RASSF5: variants seen among roughly 807,000 people sequenced by gnomAD.
RASSF5 encodes the protein ras association domain-containing protein 5.
In RASSF5, 25 loss-of-function variants were observed where a neutral mutation model predicts 40.5. The observed-to-expected ratio is 0.62, with a 90% CI of 0.45 to 0.86. RASSF5 has a LOEUF of 0.86. Among genes scored for constraint, RASSF5 ranks in the 40% least tolerant of loss-of-function variants. The probability of loss-of-function intolerance (pLI) is 0.00; values close to 1 mark genes in which losing one functional copy is unlikely to be tolerated. For missense variants in RASSF5, 521 were observed against 572.8 expected, an observed-to-expected ratio of 0.91 and a Z score of 0.92; for synonymous variants, 246 against 252.4, an observed-to-expected ratio of 0.97 and a Z score of 0.24.
At position 206,557,839 on chromosome 1, in the gene RASSF5, G is replaced by T. The variant is rs1668033604; in HGVS notation, c.579+19546G>T. 3 of 837,282 alleles carry T rather than the reference G, an allele frequency of 3.6e-6. No individual in the cohort carries two copies. The South Asian group carries it at 4.8e-5, about 13-fold the overall frequency. The allele number at this position is 837,282 out of a possible 1,614,324, so 51.9% of individuals were successfully genotyped here. A position where few individuals can be genotyped will look rare whatever the true frequency, so the allele number is the denominator to read the frequency against. On this transcript the variant is annotated intron_variant, in intron 2 of 5. Coordinates refer to ENST00000579436, the MANE Select transcript of RASSF5 (RefSeq NM_182663.4). ...GCAGTTGCCCTGAGGGCTGAGCATC[G>T]TATCTGGAGCCCTTCAGGGACCTGC...
At chr1:206,548,821 C>G (rs2103531804) in intron 2 of RASSF5, among the ~76,000 whole-genome samples, 1 of 152,268 alleles carries the variant, frequency 6.6e-6, no homozygotes, top group Non-Finnish European at 1.5e-5. Flanking sequence ...GCTTACTGCT[C>G]TGTTCATTTA....
chr1:206,556,241 C>T (rs1200593615), intron 2 of RASSF5, among the ~76,000 whole-genome samples: 3 of 152,230 alleles, frequency 2.0e-5, no homozygotes, highest in Non-Finnish European at 2.9e-5. Context: ...CAGCTGCACA[C>T]ACCAGGGCTG....
chr1:206,532,310 A>G (rs1667263953), intron 1 of RASSF5, among the ~76,000 whole-genome samples: 1 of 152,158 alleles, frequency 6.6e-6, no homozygotes, highest in Non-Finnish European at 1.5e-5. Context: ...GTAGTTCTTG[A>G]CATCAGGAAC....
intron 2 of RASSF5, among the ~76,000 whole-genome samples, chr1:206,551,194 G>T (rs1369757738): frequency 6.6e-6 from 1 of 152,130 alleles, no homozygotes; most frequent in African/African-American, 2.4e-5. Flanking sequence ...ACCCCACCTA[G>T]TCCCTCAGTC....
intron 2 of RASSF5, among the ~76,000 whole-genome samples, chr1:206,538,759 G>A (rs1334285961): frequency 6.6e-6 from 1 of 152,194 alleles, no homozygotes; most frequent in African/African-American, 2.4e-5. Context: ...GCAGCTTTTG[G>A]TTCTGGGTTT....
At position 206,513,615 on chromosome 1, in the gene RASSF5, A is replaced by G. The variant is rs566017573; in HGVS notation, c.457+5556A>G. Among the ~76,000 whole-genome samples, 11 of 152,184 alleles carry G rather than the reference A, an allele frequency of 7.2e-5. No homozygotes were observed. Among genetic ancestry groups the G allele is most frequent in the East Asian group, 1.9e-4 (1 of 5,176 alleles). Reference sequence around the variant, plus strand: ...CCGCAGGGCTCTGTTCTGACTCTCCATGGCTGGGTGGGGAAGGGCTGGCGG... The same window carrying G: ...CCGCAGGGCTCTGTTCTGACTCTCCGTGGCTGGGTGGGGAAGGGCTGGCGG... On this transcript the variant is annotated intron_variant, in intron 1 of 5. Transcript: ENST00000579436. The surrounding 1 kb of genome is among the most constrained non-coding windows in gnomAD (Gnocchi z 5.0).
intron 2 of RASSF5, among the ~76,000 whole-genome samples, chr1:206,558,717 A>G (rs1450479072): frequency 6.6e-6 from 1 of 152,214 alleles, no homozygotes; most frequent in Non-Finnish European, 1.5e-5. Flanking sequence ...AATTGTGAGA[A>G]GAGGCCCAAG....
chr1:206,566,030 T>C lies in RASSF5; in HGVS notation c.580-17239T>C, dbSNP rs537054352. 4.1e-4 allele frequency among the ~76,000 whole-genome samples: 63 copies of C among 152,306 alleles called. 1 individual carries two copies. The highest frequency in any genetic ancestry group is 1.3e-3 in the African/African-American group (54 of 41,552). On this transcript the variant is annotated intron_variant, in intron 2 of 5. Transcript: ENST00000579436. ...TTTACCATCTTAGACTAAGTTAATT[T>C]ACCATCCTAAGCAAGAAAAGCAGGG... is the stretch of plus-strand genomic sequence containing the variant.
chr1:206,561,770 A>C (rs1668152197), intron 2 of RASSF5, among the ~76,000 whole-genome samples: 1 of 149,130 alleles, frequency 6.7e-6, no homozygotes. Flanking sequence ...GGTTCAAGCA[A>C]TTCTCCTGCC....
chr1:206,580,278 T>C (rs1347178010), intron 2 of RASSF5, among the ~76,000 whole-genome samples: 4 of 152,244 alleles, frequency 2.6e-5, no homozygotes, highest in Admixed American at 2.0e-4. Context: ...CTGCCTTTTC[T>C]TACGGGGAAA....
At chr1:206,557,635 G>A (rs1347123017) in intron 2 of RASSF5, 5 of 1,614,234 alleles carry the variant, frequency 3.1e-6, no homozygotes, top group East Asian at 4.5e-5. Flanking sequence ...CTGGAAGACT[G>A]CTTCTTCACT....
chr1:206,523,704 T>A lies in RASSF5; in HGVS notation c.458-14468T>A, dbSNP rs1301197082. ...ATAAATATATTATATATAATATATT[T>A]ATATATTATACAATATATTTATATA... is the stretch of plus-strand genomic sequence containing the variant. On this transcript the variant is annotated intron_variant, in intron 1 of 5. Transcript: ENST00000579436. Among the ~76,000 whole-genome samples, 6 of 67,376 alleles carry A rather than the reference T, an allele frequency of 8.9e-5. No homozygotes were observed. In the East Asian group the frequency reaches 3.5e-3, roughly 39 times the overall value. The allele number at this position is 67,376 out of a possible 152,430, so 44.2% of individuals were successfully genotyped here.
chr1:206,514,144 A>T (rs1339888617), intron 1 of RASSF5, among the ~76,000 whole-genome samples: 1 of 152,098 alleles, frequency 6.6e-6, no homozygotes, highest in Non-Finnish European at 1.5e-5. Context: ...GAAATCTTTG[A>T]GGTTTGATTC....
At chr1:206,549,892 C>A (rs1667787418) in intron 2 of RASSF5, among the ~76,000 whole-genome samples, 1 of 152,182 alleles carries the variant, frequency 6.6e-6, no homozygotes, top group Non-Finnish European at 1.5e-5. Context: ...GCGGTTCTTT[C>A]TCTAGCCTTG....
At chr1:206,548,705 C>G (rs1356089883) in intron 2 of RASSF5, among the ~76,000 whole-genome samples, 1 of 152,072 alleles carries the variant, frequency 6.6e-6, no homozygotes, top group Non-Finnish European at 1.5e-5. Flanking sequence ...ATAGTTTTCA[C>G]GAAAATTGGA....
chr1:206,520,606 C>CAAA (rs548392441), intron 1 of RASSF5, among the ~76,000 whole-genome samples: 26 of 119,652 alleles, frequency 2.2e-4, no homozygotes, highest in East Asian at 1.4e-3. Context: ...GACTCCATCT[C>CAAA]AAAAAAAAAA....
rs781946116 is a variant in RASSF5, at chr1:206,584,518, G to A, written c.822G>A (p.Thr274=). 55 of 1,614,100 alleles carry A rather than the reference G, an allele frequency of 3.4e-5. 1 individual carries two copies. In the East Asian group the frequency reaches 1.1e-3, roughly 31 times the overall value. ...AGGAGGTGAACCTGGCGGCTACCAC[G>A]GACAAGCGGACATCCTTCTACCTGC... ...AIKEVNLAAT[T]DKRTSFYLPL... is the part of the protein sequence containing the mutation. Residue 274 remains threonine (T), a synonymous_variant, in exon 4 of 6, where the codon ACG becomes ACA. Transcript: ENST00000579436. This position sits in a 1 kb window ranked among gnomAD's most constrained non-coding sequence, Gnocchi z 4.9.
In RASSF5 at chr1:206,557,823, C is replaced by T. The variant is rs1668033041; in HGVS notation, c.579+19530C>T. On this transcript the variant is annotated intron_variant, in intron 2 of 5. Transcript: ENST00000579436. ...TCAGGAAAGTGGCCAGGCAGTTGCC[C>T]TGAGGGCTGAGCATCGTATCTGGAG... The T allele has an allele frequency of 2.6e-5, 25 of 964,884 alleles. No individual in the cohort carries two copies. The South Asian group carries it at 3.6e-4, about 14-fold the overall frequency. 59.8% of individuals were successfully genotyped at this position (964,884 alleles called of 1,614,324 possible).
rs782086265 is a variant in RASSF5, at chr1:206,583,334, C to T, written c.645C>T (p.Ile215=). 2.5e-6 allele frequency: 4 copies of T among 1,613,814 alleles called. No individual in the cohort carries two copies. The highest frequency in any genetic ancestry group is 2.2e-5 in the East Asian group (1 of 44,876). ...PPTLQEIKQK[I]DSYNTREKNC... The stretch of plus-strand genomic sequence containing the variant: ...CACTGCAGGAGATCAAGCAGAAGAT[C>T]GACAGCTACAACACGCGAGAGAAGA... The change falls in exon 3 of 6, where the codon ATC becomes ATT. Residue 215 remains isoleucine (I), a synonymous_variant. Transcript: ENST00000579436.
Sources: gnomAD v4.1 joint callset for allele counts (sites outside exome capture counted in the v4.1 genomes callset) on GRCh38, gnomAD v4.1.1 for gene constraint, Gnocchi (gnomAD v3.1) non-coding constraint, MANE v1.5 for transcripts, NCBI Gene and HGNC (gene_info 2026-07-23, HGNC 2026-07-21) for gene names.